The following DISP1 variants were observed in gnomAD, a reference collection of about 807,000 sequenced individuals.
DISP1 encodes dispatched RND transporter family member 1.
In DISP1, 30 loss-of-function variants were observed where a neutral mutation model predicts 37.3. That is an observed-to-expected ratio of 0.80 (90% confidence interval 0.60 to 1.09). DISP1 has a LOEUF of 1.09. DISP1 is among the 50% of genes least tolerant of loss of function. The pLI, the probability that DISP1 is intolerant of heterozygous loss-of-function variation, is 0.00. For missense variants in DISP1, 1,598 were observed against 1,879.5 expected (o/e 0.85, Z 2.77); for synonymous variants, 634 against 690.2 (o/e 0.92, Z 1.28).
intron 1 of DISP1, among the ~76,000 whole-genome samples, chr1:222,889,024 A>G (rs1670798853): frequency 2.0e-5 from 3 of 152,142 alleles, no homozygotes. Context: ...TCAAACATTT[A>G]TCAGTTTTTT....
intron 2 of DISP1, among the ~76,000 whole-genome samples, chr1:222,929,822 T>C (rs1673288155): frequency 6.6e-6 from 1 of 152,166 alleles, no homozygotes; most frequent in African/African-American, 2.4e-5. Flanking sequence ...TGCCAACGTA[T>C]CAAATATTGG....
At chr1:222,917,266 C>T (rs186451126) in intron 1 of DISP1, among the ~76,000 whole-genome samples, 79 of 152,228 alleles carry the variant, frequency 5.2e-4, no homozygotes, top group African/African-American at 1.6e-3. Context: ...CTGTGGTAAC[C>T]GTAGTAACTG....
chr1:222,903,475 G>A (rs985353331), intron 1 of DISP1, among the ~76,000 whole-genome samples: 14 of 151,628 alleles, frequency 9.2e-5, no homozygotes, highest in Admixed American at 4.6e-4. Flanking sequence ...GGGTATTTTG[G>A]TATGTCTAAA....
Position 223,005,184 on chromosome 1 carries a change from C to A in DISP1, c.3787C>A (p.His1263Asn). 1 of 1,614,182 alleles carries A rather than the reference C, an allele frequency of 6.2e-7. No individual in the cohort carries two copies. Among genetic ancestry groups the A allele is most frequent in the South Asian group, 1.1e-5 (1 of 91,082 alleles). Reference sequence around the variant, plus strand: ...CCCTCTTGAACAGCATACCGTGTGTCACTTCTTCTCTCTGAATCAGAGATG... The same window carrying A: ...CCCTCTTGAACAGCATACCGTGTGTAACTTCTTCTCTCTGAATCAGAGATG... ...QPPLEQHTVC[H>N]FFSLNQRCSC... Residue 1263 changes from histidine to asparagine, a missense_variant, in exon 9 of 9, where the codon CAC (histidine) becomes AAC (asparagine). By Grantham distance (68) the His-to-Asn change is moderately conservative (BLOSUM62 1). Coordinates refer to ENST00000675850, the MANE Select transcript of DISP1 (RefSeq NM_001377229.1).
intron 1 of DISP1, among the ~76,000 whole-genome samples, chr1:222,859,812 T>G (rs1668769534): frequency 6.6e-6 from 1 of 152,208 alleles, no homozygotes. Flanking sequence ...TTCTCCTAGT[T>G]GACTCTGTAA....
chr1:222,883,703 T>C (rs915486061), intron 1 of DISP1, among the ~76,000 whole-genome samples: 1 of 152,210 alleles, frequency 6.6e-6, no homozygotes, highest in Non-Finnish European at 1.5e-5. Flanking sequence ...CATAAGCATA[T>C]TGTTAGTTAT....
chr1:222,969,370 CAAAA>C, intron 3 of DISP1, among the ~76,000 whole-genome samples: 1 of 29,874 alleles, frequency 3.3e-5, no homozygotes, highest in South Asian at 2.0e-3. Context: ...AACTTGGTCT[CAAAA>C]AAAAAAAAAA....
At chr1:222,858,267 G>A (rs1012421264) in intron 1 of DISP1, among the ~76,000 whole-genome samples, 2 of 152,142 alleles carry the variant, frequency 1.3e-5, no homozygotes, top group East Asian at 1.9e-4. Context: ...AAGTCTAGTT[G>A]TGTTTCATAT....
chr1:222,877,094 T>G (rs1040406205), intron 1 of DISP1, among the ~76,000 whole-genome samples: 1 of 152,142 alleles, frequency 6.6e-6, no homozygotes, highest in Admixed American at 6.5e-5. Context: ...GATTCTGGCT[T>G]TGGGAGAGCT....
At chr1:222,838,368 C>G (rs899079146) in intron 1 of DISP1, among the ~76,000 whole-genome samples, 26 of 152,142 alleles carry the variant, frequency 1.7e-4, no homozygotes, top group African/African-American at 6.0e-4. Flanking sequence ...GTCTAATATT[C>G]AAACTCCTGG....
intron 4 of DISP1, among the ~76,000 whole-genome samples, chr1:222,985,021 A>G (rs1048505498): frequency 1.3e-4 from 20 of 152,168 alleles, no homozygotes; most frequent in African/African-American, 4.6e-4. Context: ...CATTTTGTTT[A>G]TCCAATTCCC....
intron 1 of DISP1, among the ~76,000 whole-genome samples, chr1:222,828,385 A>T (rs944359984): frequency 6.6e-6 from 1 of 152,206 alleles, no homozygotes; most frequent in African/African-American, 2.4e-5. Flanking sequence ...GTCTAAATAA[A>T]TGTAAATGCA....
At chr1:222,872,913 T>A (rs1385666431) in intron 1 of DISP1, among the ~76,000 whole-genome samples, 1 of 152,224 alleles carries the variant, frequency 6.6e-6, no homozygotes, top group African/African-American at 2.4e-5. Flanking sequence ...GGGCATTTAG[T>A]GCTATAAATT....
intron 1 of DISP1, among the ~76,000 whole-genome samples, chr1:222,910,593 G>A (rs981127048): frequency 6.6e-6 from 1 of 152,180 alleles, no homozygotes; most frequent in South Asian, 2.1e-4. Flanking sequence ...TATTTGAAAT[G>A]TGTGAACATG....
intron 4 of DISP1, among the ~76,000 whole-genome samples, chr1:222,985,274 C>G (rs1261040253): frequency 1.3e-5 from 2 of 152,210 alleles, no homozygotes; most frequent in African/African-American, 4.8e-5. Flanking sequence ...AAAGCCTTTC[C>G]TGATTCCCCT....
chr1:222,884,044 T>C (rs1280281148), intron 1 of DISP1, among the ~76,000 whole-genome samples: 1 of 152,204 alleles, frequency 6.6e-6, no homozygotes, highest in Non-Finnish European at 1.5e-5. Context: ...AGATAATTAC[T>C]GTTTGGATCT....
chr1:222,864,493 A>G (rs1254276352), intron 1 of DISP1, among the ~76,000 whole-genome samples: 2 of 151,654 alleles, frequency 1.3e-5, no homozygotes, highest in Non-Finnish European at 2.9e-5. Flanking sequence ...TTTTTTTGCC[A>G]TTTAAATATG....
At position 222,928,774 on chromosome 1, in the gene DISP1, A is replaced by G. The variant is rs746385785; in HGVS notation, c.-18+204A>G. Among the ~76,000 whole-genome samples the G allele has an allele frequency of 1.2e-4, 18 of 152,236 alleles. No individual in the cohort carries two copies. In the East Asian group the frequency reaches 3.5e-3, roughly 29 times the overall value. ...TTAAAATCTTGTGAAGTTTATTTAA[A>G]TTGTAGTCTAGCGCAGTAAGGTAAG... On this transcript the variant is annotated intron_variant, in intron 2 of 8. Coordinates refer to ENST00000675850, the MANE Select transcript of DISP1 (RefSeq NM_001377229.1).
intron 1 of DISP1, among the ~76,000 whole-genome samples, chr1:222,853,844 A>G (rs1009302696): frequency 6.6e-6 from 1 of 152,202 alleles, no homozygotes; most frequent in African/African-American, 2.4e-5. Flanking sequence ...AAATGATTAT[A>G]GTTAACAAGA....
Sources: gnomAD v4.1 joint callset for allele counts (sites outside exome capture counted in the v4.1 genomes callset) on GRCh38, gnomAD v4.1.1 for gene constraint, MANE v1.5 for transcripts, NCBI Gene and HGNC (gene_info 2026-07-23, HGNC 2026-07-21) for gene names.